The following CEP170B variants were observed in gnomAD, a reference collection of about 807,000 sequenced individuals.
The protein encoded by CEP170B is centrosomal protein of 170 kDa protein B.
CEP170B carries 55 observed loss-of-function variants against 120.6 expected under a neutral mutation model. The ratio of observed to expected loss-of-function variants is 0.46; its 90% CI spans 0.37 to 0.57. The LOEUF (loss-of-function observed/expected upper bound fraction) is 0.57, where lower values mean the gene tolerates loss of function less well. CEP170B is among the 20% of genes least tolerant of loss of function. CEP170B has a pLI of 0.00. For missense variants in CEP170B, 2,212 were observed against 2,253.3 expected, an observed-to-expected ratio of 0.98 and a Z score of 0.37; for synonymous variants, 1,033 against 954.5, an observed-to-expected ratio of 1.08 and a Z score of -1.52.
rs758734296 is a variant in CEP170B at position 104,884,460 on chromosome 14, G to A, written c.1681G>A (p.Asp561Asn). 1 of 1,558,302 alleles carries A rather than the reference G, an allele frequency of 6.4e-7. No individual in the cohort carries two copies. Among genetic ancestry groups the A allele is most frequent in the South Asian group, 1.2e-5 (1 of 84,484 alleles). The change falls in exon 9 of 19, where the codon GAC becomes AAC. Residue 561 changes from aspartate (D) to asparagine (N), a missense_variant. Physicochemically the swap from Asp to Asn is conservative, Grantham distance 23 (BLOSUM62 1). Transcript: ENST00000414716. ...GACCAAGGCACGGAAACAGGAGGAG[G>A]ACGACAGCCTCAGTGACGCAGGGAC... The part of the protein sequence containing the change: ...QLTKARKQEE[D>N]DSLSDAGTYT...
intron 4 of CEP170B, among the ~76,000 whole-genome samples, 199 bp from the exon 5 acceptor site, chr14:104,878,244 C>T (rs894462957): frequency 6.6e-6 from 1 of 152,122 alleles, no homozygotes; most frequent in African/African-American, 2.4e-5. Flanking sequence ...GTGACCACTC[C>T]CTAGGACCCC....
At chr14:104,879,625 A>G (rs1042655600) in intron 5 of CEP170B, among the ~76,000 whole-genome samples, 4 of 152,004 alleles carry the variant, frequency 2.6e-5, no homozygotes, top group Non-Finnish European at 4.4e-5. Flanking sequence ...CCCCCAGCAC[A>G]TTGATGAGGC....
At chr14:104,872,416 G>GC (rs1405572174) in intron 2 of CEP170B, among the ~76,000 whole-genome samples, 10,413 of 112,170 alleles carry the variant, frequency 0.093, 2,228 homozygotes, top group Middle Eastern at 0.16. Flanking sequence ...GGTGTGCCGT[G>GC]GGTGTGCCGT....
At chr14:104,893,405 T>C in intron 14 of CEP170B, 118 bp from the exon 15 acceptor site, 3 of 1,308,034 alleles carry the variant, frequency 2.3e-6, no homozygotes, top group Non-Finnish European at 3.1e-6. Context: ...GGAGGGACCT[T>C]GCACAGACGG....
At position 104,887,832 on chromosome 14, in the gene CEP170B, G is replaced by A. The variant is rs754917254; in HGVS notation, c.3593G>A (p.Arg1198His). 27 of 1,584,208 alleles carry A rather than the reference G, an allele frequency of 1.7e-5. No homozygotes were observed. The highest frequency in any genetic ancestry group is 1.7e-4 in the Middle Eastern group (1 of 5,996). ...AAPARTSFSGRSVELCCASRK... is the reference protein window; with the variant it reads ...AAPARTSFSGHSVELCCASRK... Reference sequence around the variant, plus strand: ...CCTGCCCGCACCAGCTTCTCTGGCCGCAGTGTGGAGTTGTGCTGTGCCAGC... The same window carrying A: ...CCTGCCCGCACCAGCTTCTCTGGCCACAGTGTGGAGTTGTGCTGTGCCAGC... The change falls in exon 12 of 19, where the codon CGC becomes CAC. Residue 1198 changes from arginine (R) to histidine (H), a missense_variant. Physicochemically the swap from Arg to His is conservative, Grantham distance 29 (BLOSUM62 0). Coordinates refer to ENST00000414716, the MANE Select transcript of CEP170B (RefSeq NM_001112726.3).
At chr14:104,878,550 C>G in intron 5 of CEP170B, 49 bp downstream of exon 5, 1 of 1,574,952 alleles carries the variant, frequency 6.3e-7, no homozygotes, top group Non-Finnish European at 8.7e-7. Context: ...GCTCAGCCCC[C>G]CATCCTCCCC....
At position 104,883,961 on chromosome 14, in the gene CEP170B, C is replaced by G. The variant is rs1174929603; in HGVS notation, c.1182C>G (p.Pro394=). The G allele has an allele frequency of 6.2e-7, 1 of 1,608,636 alleles. No homozygotes were observed. Residue 394 remains proline, a synonymous_variant, in exon 9 of 19, where the codon CCC becomes CCG. Transcript: ENST00000414716. The part of the protein sequence containing the change: ...VRLQRQIKRD[P]QELLHNQQAF... ...TGCAGAGGCAGATCAAGCGGGACCC[C>G]CAGGAGCTACTACATAACCAGCAGG... is the stretch of plus-strand genomic sequence containing the variant.
intron 10 of CEP170B, 113 bp from the exon 11 acceptor site, chr14:104,885,927 C>T (rs1042779290): frequency 8.6e-6 from 8 of 932,572 alleles, no homozygotes; most frequent in Middle Eastern, 2.2e-4. Context: ...CTGGGTGGCG[C>T]GCATGCGTGG....
At chr14:104,893,212 T>G in intron 14 of CEP170B, 77 bp downstream of exon 14, 1 of 1,468,242 alleles carries the variant, frequency 6.8e-7, no homozygotes, top group Non-Finnish European at 9.1e-7. Context: ...CACAGCCCTT[T>G]GCATGCCTCG....
In CEP170B at chr14:104,880,443, G is replaced by A. The variant is rs199800202; in HGVS notation, c.472+18G>A. The A allele has an allele frequency of 7.9e-5, 127 of 1,608,902 alleles. No homozygotes were observed. The East Asian group carries it at 9.2e-4, about 12-fold the overall frequency. On this transcript the variant is annotated intron_variant, in intron 6 of 18. Transcript: ENST00000414716. ...AGGAACAGGTAGGCCCAGGCAGTGC[G>A]GATGGGGTGAGCACACAGGGCCACT... is the stretch of plus-strand genomic sequence containing the variant.
chr14:104,872,471 G>GTGGGTGTGCCA (rs1895615805), intron 2 of CEP170B, among the ~76,000 whole-genome samples: 5 of 56,496 alleles, frequency 8.9e-5, no homozygotes, highest in Non-Finnish European at 3.1e-4. Context: ...TGGGTGTGCC[G>GTGGGTGTGCCA]TGTGTGTGCG....
chr14:104,883,359 A>G lies in CEP170B; in HGVS notation c.902A>G (p.Glu301Gly), dbSNP rs1369792103. 6.2e-7 allele frequency: 1 copy of G among 1,610,390 alleles called. No homozygotes were observed. Among genetic ancestry groups the G allele is most frequent in the Admixed American group, 1.7e-5 (1 of 59,742 alleles). The part of the protein sequence containing the change: ...SLRQRRPPGK[E>G]ATPGEMVSAE... ...CGCCAGCGGCGGCCCCCGGGCAAGG[A>G]GGCCACACCTGGCGAGATGGTGTCG... The change falls in exon 8 of 19, where the codon GAG becomes GGG. Residue 301 changes from glutamate to glycine, a missense_variant. By Grantham distance (98) the Glu-to-Gly change is moderately conservative (BLOSUM62 -2). This residue lies in a region of CEP170B where 2,166 missense variants were observed against 2,166.7 expected (regional missense o/e 1.00). Coordinates refer to ENST00000414716, the MANE Select transcript of CEP170B (RefSeq NM_001112726.3).
rs1376099197 is a variant in CEP170B, at chr14:104,867,648, C to T, written c.-27-776C>T. Among the ~76,000 whole-genome samples the T allele has an allele frequency of 1.3e-5, 2 of 152,126 alleles. No homozygotes were observed. The highest frequency in any genetic ancestry group is 4.8e-5 in the African/African-American group (2 of 41,406). ...GGGGTGACATCAGCCCTGGCCATTA[C>T]TCAGGCTGTCCCCGTTACCTCCCAG... is the stretch of plus-strand genomic sequence containing the variant. On this transcript the variant is annotated intron_variant, in intron 1 of 18. Coordinates refer to ENST00000414716, the MANE Select transcript of CEP170B (RefSeq NM_001112726.3). This position sits in a 1 kb window ranked among gnomAD's most constrained non-coding sequence, Gnocchi z 5.4.
chr14:104,868,342 G>T lies in CEP170B; in HGVS notation c.-27-82G>T. ...CTGCCAGCTTCCCTTAGAGGGTCAG[G>T]ATCTGGGCTGGGCCTTGGATGTGTC... is the stretch of plus-strand genomic sequence containing the variant. On this transcript the variant is annotated intron_variant, in intron 1 of 18. Coordinates refer to ENST00000414716, the MANE Select transcript of CEP170B (RefSeq NM_001112726.3). The surrounding 1 kb of genome is among the most constrained non-coding windows in gnomAD (Gnocchi z 5.9). 2.1e-6 allele frequency: 2 copies of T among 974,626 alleles called. No individual in the cohort carries two copies. Among genetic ancestry groups the T allele is most frequent in the East Asian group, 5.3e-5 (2 of 37,934 alleles). The allele number at this position is 974,626 out of a possible 1,614,324, so 60.4% of individuals were successfully genotyped here. A position where few individuals can be genotyped will look rare whatever the true frequency, so the allele number is the denominator to read the frequency against.
In CEP170B at chr14:104,887,859, G is replaced by A. The variant is rs762915591; in HGVS notation, c.3620G>A (p.Arg1207His). The change falls in exon 12 of 19, where the codon CGC becomes CAC. Residue 1207 changes from arginine (R) to histidine (H), a missense_variant. By Grantham distance (29) the Arg-to-His change is conservative (BLOSUM62 0). This residue lies in a region of CEP170B where 2,166 missense variants were observed against 2,166.7 expected (regional missense o/e 1.00). Coordinates refer to ENST00000414716, the MANE Select transcript of CEP170B (RefSeq NM_001112726.3). The part of the protein sequence containing the change: ...GRSVELCCAS[R>H]KPTMAEARAV... ...AGTGTGGAGTTGTGCTGTGCCAGCCGCAAGCCCACCATGGCCGAAGCACGG... is the reference window on the plus strand; with the variant it reads ...AGTGTGGAGTTGTGCTGTGCCAGCCACAAGCCCACCATGGCCGAAGCACGG... The A allele has an allele frequency of 3.0e-5, 47 of 1,577,266 alleles. No individual in the cohort carries two copies. The East Asian group carries it at 6.9e-4, about 23-fold the overall frequency.
chr14:104,866,105 G>A (rs1253700754), intron 1 of CEP170B, among the ~76,000 whole-genome samples: 35 of 152,090 alleles, frequency 2.3e-4, no homozygotes, highest in Admixed American at 2.3e-3. Flanking sequence ...AGTTTGGGGC[G>A]TTTATTATTC....
At chr14:104,882,310 G>A (rs1896196064) in intron 6 of CEP170B, among the ~76,000 whole-genome samples, 1 of 152,214 alleles carries the variant, frequency 6.6e-6, no homozygotes, top group Non-Finnish European at 1.5e-5. Flanking sequence ...CTGGACCCAG[G>A]TGTGGGCTCC....
intron 5 of CEP170B, 23 bp from the exon 6 acceptor site, chr14:104,880,264 C>T: frequency 4.5e-6 from 7 of 1,571,350 alleles, no homozygotes; most frequent in South Asian, 1.2e-5. Context: ...CCCAGTACCT[C>T]ACCCCGCCTG....
In CEP170B at chr14:104,883,834, A is replaced by G. The variant is rs1265753123; in HGVS notation, c.1055A>G (p.His352Arg). The change falls in exon 9 of 19, where the codon CAC becomes CGC. Residue 352 changes from histidine to arginine, a missense_variant. Coordinates refer to ENST00000414716, the MANE Select transcript of CEP170B (RefSeq NM_001112726.3). The part of the protein sequence containing the change: ...LPVHTRTLKG[H>R]KHEDGTQSDS... ...TGGGGTCCCCTGTCTCCCCCAGGCC[A>G]CAAGCACGAGGACGGCACGCAGAGT... The G allele has an allele frequency of 1.3e-6, 2 of 1,546,942 alleles. No individual in the cohort carries two copies. The highest frequency in any genetic ancestry group is 1.7e-6 in the Non-Finnish European group (2 of 1,146,106).
Sources: gnomAD v4.1 joint callset for allele counts (sites outside exome capture counted in the v4.1 genomes callset) on GRCh38, gnomAD v4.1.1 for gene constraint, gnomAD v4.1.1 regional missense constraint, Gnocchi (gnomAD v3.1) non-coding constraint, MANE v1.5 for transcripts, NCBI Gene and HGNC (gene_info 2026-07-23, HGNC 2026-07-21) for gene names.